The following ZDHHC14 variants were observed in gnomAD, a reference collection of about 807,000 sequenced individuals.
ZDHHC14 encodes palmitoyltransferase ZDHHC14.
Under a neutral mutation model 47.7 loss-of-function variants are expected in ZDHHC14, and 16 were observed. The observed-to-expected ratio is 0.34, with a 90% CI of 0.23 to 0.51. The LOEUF is 0.51. Among genes scored for constraint, ZDHHC14 ranks in the 20% least tolerant of loss-of-function variants. ZDHHC14 has a pLI of 0.97. For missense variants in ZDHHC14, 515 were observed against 662.5 expected (o/e 0.78, Z 2.44); for synonymous variants, 293 against 278.9 (o/e 1.05, Z -0.50).
Position 157,504,400 on chromosome 6 carries a change from G to T in ZDHHC14, c.246-38185G>T, listed in dbSNP as rs951536916. Among the ~76,000 whole-genome samples the T allele has an allele frequency of 2.0e-5, 3 of 150,428 alleles. No homozygotes were observed. The South Asian group carries it at 6.3e-4, about 32-fold the overall frequency. On this transcript the variant is annotated intron_variant, in intron 1 of 8. Coordinates refer to ENST00000359775, the MANE Select transcript of ZDHHC14 (RefSeq NM_024630.3). ...CCTGACCTCGTGATCTGCCTGCCTCGGCTTCCCAAAGTGCTGGGATTACAG... is the reference window on the plus strand; with the variant it reads ...CCTGACCTCGTGATCTGCCTGCCTCTGCTTCCCAAAGTGCTGGGATTACAG...
chr6:157,640,031 C>T (rs147537040), intron 5 of ZDHHC14, among the ~76,000 whole-genome samples: 183 of 152,226 alleles, frequency 1.2e-3, no homozygotes, highest in African/African-American at 3.9e-3. Flanking sequence ...GGTGCCTGTC[C>T]GGGAAGCCAT....
intron 1 of ZDHHC14, among the ~76,000 whole-genome samples, chr6:157,441,815 G>A (rs1778566691): frequency 6.6e-6 from 1 of 152,108 alleles, no homozygotes; most frequent in Admixed American, 6.5e-5. Flanking sequence ...TCTAGCCTGG[G>A]CAACAGAGTG....
At chr6:157,479,736 G>A (rs967042764) in intron 1 of ZDHHC14, among the ~76,000 whole-genome samples, 5 of 152,236 alleles carry the variant, frequency 3.3e-5, no homozygotes, top group Non-Finnish European at 7.3e-5. Flanking sequence ...CACTCGATAT[G>A]TATGAAGTAG....
At chr6:157,590,518 T>C (rs1237525444) in intron 2 of ZDHHC14, among the ~76,000 whole-genome samples, 1 of 152,170 alleles carries the variant, frequency 6.6e-6, no homozygotes, top group African/African-American at 2.4e-5. Context: ...GTTGGTCCTG[T>C]AGGTGCACAG....
At chr6:157,494,316 C>T (rs1780003269) in intron 1 of ZDHHC14, among the ~76,000 whole-genome samples, 2 of 152,186 alleles carry the variant, frequency 1.3e-5, no homozygotes, top group South Asian at 4.1e-4. Flanking sequence ...GGATGCCTGT[C>T]CCTCCTCCGA....
chr6:157,413,483 T>C (rs1382645322), intron 1 of ZDHHC14, among the ~76,000 whole-genome samples: 4 of 152,234 alleles, frequency 2.6e-5, no homozygotes, highest in Non-Finnish European at 5.9e-5. Context: ...GGGGAATTTC[T>C]TATTTCATAG....
At chr6:157,460,095 T>TG (rs1292700046) in intron 1 of ZDHHC14, among the ~76,000 whole-genome samples, 2 of 148,450 alleles carry the variant, frequency 1.3e-5, no homozygotes, top group South Asian at 2.1e-4. Flanking sequence ...TCTAGCTACT[T>TG]GGGGGGCTGA....
intron 6 of ZDHHC14, 43 bp from the exon 7 acceptor site, chr6:157,647,216 G>A (rs370579711): frequency 7.2e-7 from 1 of 1,380,384 alleles, no homozygotes; most frequent in Middle Eastern, 1.8e-4. Context: ...CTGTGCGTTG[G>A]TGTGGAAGAT....
At chr6:157,569,238 TA>T (rs1280540271) in intron 2 of ZDHHC14, among the ~76,000 whole-genome samples, 3 of 152,206 alleles carry the variant, frequency 2.0e-5, no homozygotes, top group Middle Eastern at 3.4e-3. Context: ...AGTTTATGTA[TA>T]TTTTTCTAGT....
intron 1 of ZDHHC14, among the ~76,000 whole-genome samples, chr6:157,469,468 G>T (rs1779304239): frequency 6.6e-6 from 1 of 152,228 alleles, no homozygotes; most frequent in Admixed American, 6.5e-5. Flanking sequence ...CATTTTGGAA[G>T]TTGAAAGACG....
chr6:157,671,686 CA>C (rs1270185191), intron 8 of ZDHHC14, among the ~76,000 whole-genome samples: 3 of 152,192 alleles, frequency 2.0e-5, no homozygotes, highest in African/African-American at 2.4e-5. Context: ...AGGCAGATAT[CA>C]TGTGACTTAA....
intron 1 of ZDHHC14, among the ~76,000 whole-genome samples, chr6:157,406,681 C>T (rs983570672): frequency 2.2e-4 from 34 of 152,178 alleles, no homozygotes; most frequent in African/African-American, 8.0e-4. Context: ...AGACATTTCC[C>T]TCTGCTGGAA....
rs576247943 is a variant in ZDHHC14 at position 157,463,748 on chromosome 6, G to A, written c.246-78837G>A. Among the ~76,000 whole-genome samples the A allele has an allele frequency of 3.9e-5, 6 of 152,320 alleles. No individual in the cohort carries two copies. The highest frequency in any genetic ancestry group is 2.1e-4 in the South Asian group (1 of 4,826). On this transcript the variant is annotated intron_variant, in intron 1 of 8. Transcript: ENST00000359775. This position sits in a 1 kb window ranked among gnomAD's most constrained non-coding sequence, Gnocchi z 4.4. ...TCAGATCTGAAAATTAACACCAGCC[G>A]GCACAGTGGTTCACATCTGTAATCC...
intron 5 of ZDHHC14, among the ~76,000 whole-genome samples, chr6:157,637,705 A>G (rs1270817398): frequency 6.6e-6 from 1 of 152,232 alleles, no homozygotes; most frequent in African/African-American, 2.4e-5. Flanking sequence ...GGGCAAGACA[A>G]TAACTTATAT....
chr6:157,614,337 C>T (rs1338920571), intron 3 of ZDHHC14, among the ~76,000 whole-genome samples: 1 of 150,126 alleles, frequency 6.7e-6, no homozygotes, highest in Non-Finnish European at 1.5e-5. Context: ...TTACAGTCAA[C>T]TTTACCACAT....
intron 1 of ZDHHC14, among the ~76,000 whole-genome samples, chr6:157,395,073 A>G (rs1471887092): frequency 6.7e-6 from 1 of 149,208 alleles, no homozygotes; most frequent in African/African-American, 2.5e-5. Flanking sequence ...CTGGTGGGAA[A>G]GTAGTGAGTA....
At chr6:157,615,305 C>T (rs1784922124) in intron 3 of ZDHHC14, among the ~76,000 whole-genome samples, 2 of 152,178 alleles carry the variant, frequency 1.3e-5, no homozygotes, top group East Asian at 1.9e-4. Flanking sequence ...GACGTCTGTG[C>T]GGACCCAAGT....
At chr6:157,529,043 T>C (rs998745521) in intron 1 of ZDHHC14, 2 of 154,524 alleles carry the variant, frequency 1.3e-5, no homozygotes, top group African/African-American at 4.8e-5. Flanking sequence ...ATTGAAAGTA[T>C]ATCCTTGTAG....
intron 1 of ZDHHC14, among the ~76,000 whole-genome samples, chr6:157,515,720 C>T (rs1780671135): frequency 6.6e-6 from 1 of 151,844 alleles, no homozygotes; most frequent in Non-Finnish European, 1.5e-5. Flanking sequence ...CCACCTCGGC[C>T]TCCCAAAGTG....
Sources: gnomAD v4.1 joint callset for allele counts (sites outside exome capture counted in the v4.1 genomes callset) on GRCh38, gnomAD v4.1.1 for gene constraint, Gnocchi (gnomAD v3.1) non-coding constraint, MANE v1.5 for transcripts, NCBI Gene and HGNC (gene_info 2026-07-23, HGNC 2026-07-21) for gene names.